LRG1: variants seen among roughly 807,000 people sequenced by gnomAD.
LRG1 encodes the protein leucine-rich alpha-2-glycoprotein.
In LRG1, 1 loss-of-function variant was observed where a neutral mutation model predicts 2.4. That is an observed-to-expected ratio of 0.41 (90% CI 0.15 to 1.95). The LOEUF is 1.95. LRG1 is among the 30% of genes most tolerant of loss of function. The probability of loss-of-function intolerance (pLI) is 0.30; values close to 1 mark genes in which losing one functional copy is unlikely to be tolerated. For missense variants in LRG1, 425 were observed against 436.9 expected, an observed-to-expected ratio of 0.97 and a Z score of 0.24; for synonymous variants, 226 against 210.6, an observed-to-expected ratio of 1.07 and a Z score of -0.63.
rs114158631 is a variant in LRG1 at position 4,538,626 on chromosome 19, C to T, written c.358G>A (p.Val120Met). 8 of 1,612,944 alleles carry T rather than the reference C, an allele frequency of 5.0e-6. No homozygotes were observed. The South Asian group carries it at 5.5e-5, about 11-fold the overall frequency. ...EFLRPVPQLR[V>M]LDLTRNALTG... is the part of the protein sequence containing the mutation. Reference sequence around the variant, plus strand: ...AGGGCGTTTCGGGTTAGATCCAGCACCCTCAGCTGCGGCACTGGCCGCAGG... The same window carrying T: ...AGGGCGTTTCGGGTTAGATCCAGCATCCTCAGCTGCGGCACTGGCCGCAGG... Residue 120 changes from valine (V) to methionine (M), a missense_variant, in exon 2 of 2, where the codon GTG (valine) becomes ATG (methionine). Physicochemically the swap from Val to Met is conservative, Grantham distance 21 (BLOSUM62 1). Coordinates refer to ENST00000306390, the MANE Select transcript of LRG1 (RefSeq NM_052972.3).
Position 4,538,282 on chromosome 19 carries a change from C to A in LRG1, c.702G>T (p.Pro234=), listed in dbSNP as rs763498051. The A allele has an allele frequency of 6.2e-7, 1 of 1,614,192 alleles. No individual in the cohort carries two copies. The highest frequency in any genetic ancestry group is 8.5e-7 in the Non-Finnish European group (1 of 1,180,038). ...GGAAGAGGTAGCGCAGGTCCGGCTG[C>A]GGCAAGAGGAGATCTTTTCCCAGTA... ...LQVLGKDLLL[P]QPDLRYLFLN... The change falls in exon 2 of 2, where the codon CCG becomes CCT. Residue 234 remains proline (P), a synonymous_variant. Coordinates refer to ENST00000306390, the MANE Select transcript of LRG1 (RefSeq NM_052972.3).
chr19:4,538,946 C>A lies in LRG1; in HGVS notation c.38G>T (p.Gly13Val), dbSNP rs1370839443. 6.7e-7 allele frequency: 1 copy of A among 1,503,160 alleles called. No individual in the cohort carries two copies. The highest frequency in any genetic ancestry group is 8.9e-7 in the Non-Finnish European group (1 of 1,124,670). The allele number at this position is 1,503,160 out of a possible 1,614,324, so 93.1% of individuals were successfully genotyped here. A position where few individuals can be genotyped will look rare whatever the true frequency, so the allele number is the denominator to read the frequency against. The change falls in exon 2 of 2, where the codon GGG becomes GTG. Residue 13 changes from glycine (G) to valine (V), a missense_variant. Gly to Val is a moderately radical substitution (Grantham distance 109). Coordinates refer to ENST00000306390, the MANE Select transcript of LRG1 (RefSeq NM_052972.3). Reference sequence around the variant, plus strand: ...TCTAGAAACATGGGGTTGAATGCCCCCTGGGCTGCAGGCAGTAACAGAAGA... The same window carrying A: ...TCTAGAAACATGGGGTTGAATGCCCACTGGGCTGCAGGCAGTAACAGAAGA... ...SWSRQRPKSPGGIQPHVSRTL... is the reference protein window; with the variant it reads ...SWSRQRPKSPVGIQPHVSRTL...
chr19:4,537,822 C>T lies in LRG1; in HGVS notation c.*118G>A. 1 of 1,187,442 alleles carries T rather than the reference C, an allele frequency of 8.4e-7. No individual in the cohort carries two copies. The highest frequency in any genetic ancestry group is 1.2e-6 in the Non-Finnish European group (1 of 867,754). 73.6% of individuals were successfully genotyped at this position (1,187,442 alleles called of 1,614,324 possible). A position where few individuals can be genotyped will look rare whatever the true frequency, so the allele number is the denominator to read the frequency against. ...GACCTCGTGATCCGCCCACCTGGGC[C>T]TCCCAAAGTGCTGGGATTACAGGCG... On this transcript the variant is annotated 3_prime_UTR_variant, in exon 2 of 2. Coordinates refer to ENST00000306390, the MANE Select transcript of LRG1 (RefSeq NM_052972.3).
At position 4,538,109 on chromosome 19, in the gene LRG1, T is replaced by C. The variant is rs772254765; in HGVS notation, c.875A>G (p.Asp292Gly). The change falls in exon 2 of 2, where the codon GAT becomes GGT. Residue 292 changes from aspartate (D) to glycine (G), a missense_variant. By Grantham distance (94) the Asp-to-Gly change is moderately conservative. Coordinates refer to ENST00000306390, the MANE Select transcript of LRG1 (RefSeq NM_052972.3). ...GGGGTTGCCGGAGATGTCGAAGCCA[T>C]CCCGCATGTCCCAGTTTGGCTGCCC... The part of the protein sequence containing the change: ...SLGQPNWDMR[D>G]GFDISGNPWI... 1.8e-5 allele frequency: 29 copies of C among 1,614,172 alleles called. No homozygotes were observed. Among genetic ancestry groups the C allele is most frequent in the Non-Finnish European group, 2.5e-5 (29 of 1,180,036 alleles).
intron 1 of LRG1, among the ~76,000 whole-genome samples, chr19:4,539,455 A>G (rs947821290): frequency 1.3e-5 from 2 of 152,140 alleles, no homozygotes; most frequent in South Asian, 2.1e-4. Flanking sequence ...CTCTTGACCA[A>G]TTGGGTGCTT....
rs1976982126 is a variant in LRG1 at position 4,538,889 on chromosome 19, G to A, written c.95C>T (p.Ser32Leu). The change falls in exon 2 of 2, where the codon TCA (serine) becomes TTA (leucine). Residue 32 changes from serine to leucine, a missense_variant. Transcript: ENST00000306390. ...GGGGCTCAGGGTGACCCCCCAGGCT[G>A]AGGCTGCCAACAGCAGCAGCAGGAA... ...TLFLLLLLAA[S>L]AWGVTLSPKD... 3 of 1,523,732 alleles carry A rather than the reference G, an allele frequency of 2.0e-6. No homozygotes were observed. The highest frequency in any genetic ancestry group is 2.6e-6 in the Non-Finnish European group (3 of 1,134,024). The allele number at this position is 1,523,732 out of a possible 1,614,324, so 94.4% of individuals were successfully genotyped here.
At position 4,538,375 on chromosome 19, in the gene LRG1, C is replaced by A. The variant is rs1191261767; in HGVS notation, c.609G>T (p.Leu203Phe). The A allele has an allele frequency of 5.0e-6, 8 of 1,614,194 alleles. No individual in the cohort carries two copies. Among genetic ancestry groups the A allele is most frequent in the Non-Finnish European group, 6.8e-6 (8 of 1,180,032 alleles). The part of the protein sequence containing the change: ...LDLGENQLET[L>F]PPDLLRGPLQ... ...GCGGACCCCTCAGGAGGTCAGGTGGCAAGGTCTCCAACTGGTTCTCCCCAA... is the reference window on the plus strand; with the variant it reads ...GCGGACCCCTCAGGAGGTCAGGTGGAAAGGTCTCCAACTGGTTCTCCCCAA... Residue 203 changes from leucine to phenylalanine, a missense_variant, in exon 2 of 2, where the codon TTG becomes TTT. Coordinates refer to ENST00000306390, the MANE Select transcript of LRG1 (RefSeq NM_052972.3).
chr19:4,537,801 T>G lies in LRG1; in HGVS notation c.*139A>C. 1 of 889,162 alleles carries G rather than the reference T, an allele frequency of 1.1e-6. No homozygotes were observed. 55.1% of individuals were successfully genotyped at this position (889,162 alleles called of 1,614,324 possible). A position where few individuals can be genotyped will look rare whatever the true frequency, so the allele number is the denominator to read the frequency against. On this transcript the variant is annotated 3_prime_UTR_variant, in exon 2 of 2. Coordinates refer to ENST00000306390, the MANE Select transcript of LRG1 (RefSeq NM_052972.3). ...CCAAGATGGTCTCGATCTCCTGACC[T>G]CGTGATCCGCCCACCTGGGCCTCCC...
chr19:4,538,018 A>G lies in LRG1; in HGVS notation c.966T>C (p.Phe322=). 6.8e-6 allele frequency: 11 copies of G among 1,614,136 alleles called. No homozygotes were observed. Among genetic ancestry groups the G allele is most frequent in the Non-Finnish European group, 9.3e-6 (11 of 1,180,044 alleles). ...RWLQAQKDKM[F]SQNDTRCAGP... ...CAGCACAGCGCGTGTCATTCTGGGA[A>G]AACATCTTGTCTTTTTGGGCCTGAA... The change falls in exon 2 of 2, where the codon TTT becomes TTC. Residue 322 remains phenylalanine, a synonymous_variant. Transcript: ENST00000306390.
chr19:4,538,350 G>A lies in LRG1; in HGVS notation c.634C>T (p.Leu212=). Reference sequence around the variant, plus strand: ...TCTAGATGTAGCCGTTCTAATTGCAGCGGACCCCTCAGGAGGTCAGGTGGC... The same window carrying A: ...TCTAGATGTAGCCGTTCTAATTGCAACGGACCCCTCAGGAGGTCAGGTGGC... ...TLPPDLLRGP[L]QLERLHLEGN... is the part of the protein sequence containing the mutation. Residue 212 remains leucine (L), a synonymous_variant, in exon 2 of 2, where the codon CTG becomes TTG. Transcript: ENST00000306390. 1 of 1,614,232 alleles carries A rather than the reference G, an allele frequency of 6.2e-7. No individual in the cohort carries two copies. Among genetic ancestry groups the A allele is most frequent in the Non-Finnish European group, 8.5e-7 (1 of 1,180,040 alleles).
At chr19:4,538,998 A>G (rs2145335933) in intron 1 of LRG1, 47 bp from the exon 2 acceptor site, 1 of 1,459,516 alleles carries the variant, frequency 6.9e-7, no homozygotes, top group South Asian at 1.5e-5. Flanking sequence ...GTGAAAATAC[A>G]CTCAGCTAGG....
Position 4,538,632 on chromosome 19 carries a change from G to C in LRG1, c.352C>G (p.Leu118Val). Reference protein sequence around the residue: ...SPEFLRPVPQLRVLDLTRNAL... With the variant: ...SPEFLRPVPQVRVLDLTRNAL... ...TTTCGGGTTAGATCCAGCACCCTCA[G>C]CTGCGGCACTGGCCGCAGGAATTCG... Residue 118 changes from leucine (L) to valine (V), a missense_variant, in exon 2 of 2, where the codon CTG becomes GTG. Coordinates refer to ENST00000306390, the MANE Select transcript of LRG1 (RefSeq NM_052972.3). 4 of 1,613,104 alleles carry C rather than the reference G, an allele frequency of 2.5e-6. No individual in the cohort carries two copies. Among genetic ancestry groups the C allele is most frequent in the Non-Finnish European group, 3.4e-6 (4 of 1,179,348 alleles).
chr19:4,538,370 G>A lies in LRG1; in HGVS notation c.614C>T (p.Pro205Leu). 6.2e-7 allele frequency: 1 copy of A among 1,614,210 alleles called. No individual in the cohort carries two copies. The highest frequency in any genetic ancestry group is 2.2e-5 in the East Asian group (1 of 44,876). ...TTGCAGCGGACCCCTCAGGAGGTCA[G>A]GTGGCAAGGTCTCCAACTGGTTCTC... ...LGENQLETLP[P>L]DLLRGPLQLE... is the part of the protein sequence containing the mutation. Residue 205 changes from proline to leucine, a missense_variant, in exon 2 of 2, where the codon CCT becomes CTT. Pro to Leu is a moderately conservative substitution (Grantham distance 98, BLOSUM62 -3). Transcript: ENST00000306390.
In LRG1 at chr19:4,537,905, A is replaced by T; in HGVS notation, c.*35T>A. The T allele has an allele frequency of 6.3e-7, 1 of 1,579,504 alleles. No individual in the cohort carries two copies. Among genetic ancestry groups the T allele is most frequent in the South Asian group, 1.1e-5 (1 of 87,188 alleles). Reference sequence around the variant, plus strand: ...TTTGTTAAGCGGGTTGCAGTGTTCTACCAGACCCCCCACCCTCAACCCAAG... The same window carrying T: ...TTTGTTAAGCGGGTTGCAGTGTTCTTCCAGACCCCCCACCCTCAACCCAAG... On this transcript the variant is annotated 3_prime_UTR_variant, in exon 2 of 2. Transcript: ENST00000306390.
At position 4,536,882 on chromosome 19, in the gene LRG1, C is replaced by T. The variant is rs1433414127; in HGVS notation, c.*1058G>A. The T allele has an allele frequency of 6.6e-6, 1 of 152,308 alleles. No individual in the cohort carries two copies. The highest frequency in any genetic ancestry group is 1.5e-5 in the Non-Finnish European group (1 of 68,094). The allele number at this position is 152,308 out of a possible 1,614,324, so 9.4% of individuals were successfully genotyped here. ...TGCAACCTTGCCCGGGGGCAGGTGC[C>T]CCCTTCGATGATCTCAGGTCAGCAT... On this transcript the variant is annotated 3_prime_UTR_variant, in exon 2 of 2. Coordinates refer to ENST00000306390, the MANE Select transcript of LRG1 (RefSeq NM_052972.3).
At position 4,537,784 on chromosome 19, in the gene LRG1, GTCTCGA is replaced by G. The variant is rs1384608651; in HGVS notation, c.*150_*155del. ...GGGTTTCACCATGTTAGCCAAGATGGTCTCGATCTCCTGACCTCGTGATCCGCCCAC... is the reference window on the plus strand; with the variant it reads ...GGGTTTCACCATGTTAGCCAAGATGGTCTCCTGACCTCGTGATCCGCCCAC... On this transcript the variant is annotated 3_prime_UTR_variant, in exon 2 of 2. Coordinates refer to ENST00000306390, the MANE Select transcript of LRG1 (RefSeq NM_052972.3). 8.0e-6 allele frequency: 6 copies of G among 753,014 alleles called. No individual in the cohort carries two copies. The Admixed American group carries it at 1.5e-4, about 19-fold the overall frequency. The allele number at this position is 753,014 out of a possible 1,614,324, so 46.6% of individuals were successfully genotyped here.
Position 4,538,586 on chromosome 19 carries a change from G to A in LRG1, c.398C>T (p.Pro133Leu), listed in dbSNP as rs746295483. Reference sequence around the variant, plus strand: ...GGTGGCTGAGGCCTGGAAGAGGCCCGGGGGCAGCCCGGTCAGGGCGTTTCG... The same window carrying A: ...GGTGGCTGAGGCCTGGAAGAGGCCCAGGGGCAGCCCGGTCAGGGCGTTTCG... Reference protein sequence around the residue: ...LTRNALTGLPPGLFQASATLD... With the variant: ...LTRNALTGLPLGLFQASATLD... The change falls in exon 2 of 2, where the codon CCG (proline) becomes CTG (leucine). Residue 133 changes from proline to leucine, a missense_variant. Transcript: ENST00000306390. 16 of 1,612,980 alleles carry A rather than the reference G, an allele frequency of 9.9e-6. No individual in the cohort carries two copies. Among genetic ancestry groups the A allele is most frequent in the East Asian group, 2.2e-5 (1 of 44,884 alleles).
At chr19:4,539,936 G>C in intron 1 of LRG1, 46 bp downstream of exon 1, 1 of 1,610,936 alleles carries the variant, frequency 6.2e-7, no homozygotes, top group African/African-American at 1.3e-5. Flanking sequence ...ATCTCCGCAT[G>C]GTCTGGCGTT....
intron 1 of LRG1, 70 bp downstream of exon 1, chr19:4,539,912 C>T: frequency 6.3e-7 from 1 of 1,584,208 alleles, no homozygotes; most frequent in South Asian, 1.1e-5. Flanking sequence ...TATGGGTTAG[C>T]TGGAATGTCC....
Sources: gnomAD v4.1 joint callset for allele counts (sites outside exome capture counted in the v4.1 genomes callset) on GRCh38, gnomAD v4.1.1 for gene constraint, MANE v1.5 for transcripts, NCBI Gene and HGNC (gene_info 2026-07-23, HGNC 2026-07-21) for gene names.